FNDC3B: variants seen among roughly 807,000 people sequenced by gnomAD.
FNDC3B encodes the protein fibronectin type III domain-containing protein 3B.
Under a neutral mutation model 151.5 loss-of-function variants are expected in FNDC3B, and 12 were observed. The ratio of observed to expected loss-of-function variants is 0.08; its 90% CI spans 0.05 to 0.13. The LOEUF is 0.13. Ranked by LOEUF, FNDC3B falls within the 10% of genes least tolerant of loss-of-function variation. The pLI, the probability that FNDC3B is intolerant of heterozygous loss-of-function variation, is 1.00. For missense variants in FNDC3B, 1,214 were observed against 1,505.3 expected, an observed-to-expected ratio of 0.81 and a Z score of 3.20; for synonymous variants, 528 against 549.0, an observed-to-expected ratio of 0.96 and a Z score of 0.54.
At chr3:172,071,966 T>A (rs910869529) in intron 1 of FNDC3B, among the ~76,000 whole-genome samples, 6 of 151,796 alleles carry the variant, frequency 4.0e-5, no homozygotes, top group Admixed American at 1.3e-4. Context: ...GGGTCAGAAT[T>A]GTAACAGTTG....
intron 3 of FNDC3B, chr3:172,186,964 A>T (rs931465696): frequency 1.7e-4 from 84 of 484,734 alleles, no homozygotes; most frequent in African/African-American, 1.6e-3. Flanking sequence ...AAAGCAAGGA[A>T]CTATATTATT....
At chr3:172,334,849 A>G in intron 14 of FNDC3B, 95 bp from the exon 15 acceptor site, 1 of 1,120,362 alleles carries the variant, frequency 8.9e-7, no homozygotes, top group South Asian at 1.5e-5. Flanking sequence ...GTCTGAGTTT[A>G]TGGGTGCCTT....
intron 11 of FNDC3B, among the ~76,000 whole-genome samples, chr3:172,317,917 TA>T (rs1731890438): frequency 1.3e-5 from 2 of 152,194 alleles, no homozygotes; most frequent in African/African-American, 4.8e-5. Context: ...GGGCACAGAA[TA>T]ACCAGAAAAA....
intron 3 of FNDC3B, among the ~76,000 whole-genome samples, chr3:172,168,371 T>C (rs1723111916): frequency 6.6e-6 from 1 of 152,190 alleles, no homozygotes; most frequent in Non-Finnish European, 1.5e-5. Flanking sequence ...TATTTTGAAG[T>C]TGTGGGAACC....
At chr3:172,330,510 T>C (rs1732590148) in intron 12 of FNDC3B, 31 bp from the exon 13 acceptor site, 3 of 1,589,278 alleles carry the variant, frequency 1.9e-6, no homozygotes, top group Non-Finnish European at 2.6e-6. Flanking sequence ...CACATGCTTC[T>C]AACTGTGTGC....
intron 3 of FNDC3B, among the ~76,000 whole-genome samples, chr3:172,146,586 C>T (rs1372857754): frequency 6.6e-6 from 1 of 152,112 alleles, no homozygotes; most frequent in Non-Finnish European, 1.5e-5. Context: ...TAACGTAACC[C>T]TCAGGACAGC....
chr3:172,165,817 G>A (rs939310168), intron 3 of FNDC3B, among the ~76,000 whole-genome samples: 1 of 152,116 alleles, frequency 6.6e-6, no homozygotes, highest in Non-Finnish European at 1.5e-5. Context: ...TACATGACAC[G>A]AATGTTCACT....
chr3:172,306,829 A>G (rs1378062067), intron 9 of FNDC3B: 2 of 152,790 alleles, frequency 1.3e-5, no homozygotes, highest in African/African-American at 4.8e-5. Flanking sequence ...AATTAGAGAA[A>G]GTCACACTTG....
chr3:172,241,963 C>G (rs527816711), intron 4 of FNDC3B, among the ~76,000 whole-genome samples: 33 of 152,326 alleles, frequency 2.2e-4, no homozygotes, highest in Non-Finnish European at 4.4e-4. Flanking sequence ...TTTCTAGATA[C>G]AATGAGGGTA....
chr3:172,080,119 A>G (rs1002828826), intron 1 of FNDC3B, among the ~76,000 whole-genome samples: 1 of 152,230 alleles, frequency 6.6e-6, no homozygotes, highest in Non-Finnish European at 1.5e-5. Context: ...AAAAAGGGGT[A>G]CTACCCAGTT....
At chr3:172,300,721 G>A (rs1212612667) in intron 9 of FNDC3B, among the ~76,000 whole-genome samples, 1 of 152,094 alleles carries the variant, frequency 6.6e-6, no homozygotes, top group African/African-American at 2.4e-5. Flanking sequence ...ACAACCTAGG[G>A]TGCCACCAAC....
At position 172,326,433 on chromosome 3, in the gene FNDC3B, T is replaced by C. The variant is rs543397922; in HGVS notation, c.1255-2519T>C. Among the ~76,000 whole-genome samples, 27 of 152,342 alleles carry C rather than the reference T, an allele frequency of 1.8e-4. No homozygotes were observed. In the Middle Eastern group the frequency reaches 0.014, roughly 77 times the overall value. ...CCTGGAAGTTGTTATGATAGAAAAT[T>C]CGGCATGCTTTGTCTATATGGGTTG... On this transcript the variant is annotated intron_variant, in intron 11 of 25. Transcript: ENST00000415807.
intron 3 of FNDC3B, among the ~76,000 whole-genome samples, chr3:172,177,332 T>C (rs1317086260): frequency 6.6e-6 from 1 of 152,216 alleles, no homozygotes; most frequent in Non-Finnish European, 1.5e-5. Context: ...AACAGACTCC[T>C]TGGGCACTTC....
intron 1 of FNDC3B, among the ~76,000 whole-genome samples, chr3:172,090,665 A>T (rs1718776937): frequency 6.6e-6 from 1 of 152,090 alleles, no homozygotes; most frequent in Non-Finnish European, 1.5e-5. Context: ...ATTATTCTTT[A>T]CCTTGTGTGA....
Position 172,352,748 on chromosome 3 carries a change from A to G in FNDC3B, c.2515-55A>G. ...ATTTAATGGCAGCTAACTCAGAGGC[A>G]TCAAAATGTGCTAATGGTGTAATAT... On this transcript the variant is annotated intron_variant, in intron 21 of 25. Coordinates refer to ENST00000415807, the MANE Select transcript of FNDC3B (RefSeq NM_022763.4). This position sits in a 1 kb window ranked among gnomAD's most constrained non-coding sequence, Gnocchi z 4.2. The G allele has an allele frequency of 6.4e-7, 1 of 1,555,954 alleles. No homozygotes were observed. The highest frequency in any genetic ancestry group is 1.8e-5 in the Admixed American group (1 of 54,390).
At chr3:172,102,274 G>A in intron 1 of FNDC3B, among the ~76,000 whole-genome samples, 1 of 152,162 alleles carries the variant, frequency 6.6e-6, no homozygotes, top group East Asian at 1.9e-4. Flanking sequence ...TTGATGCTAG[G>A]TAAGAATTAG....
Position 172,238,481 on chromosome 3 carries a change from G to A in FNDC3B, c.265-9052G>A, listed in dbSNP as rs1727283754. Among the ~76,000 whole-genome samples the A allele has an allele frequency of 3.3e-5, 5 of 152,132 alleles. No individual in the cohort carries two copies. In the South Asian group the frequency reaches 1.0e-3, roughly 32 times the overall value. On this transcript the variant is annotated intron_variant, in intron 4 of 25. Coordinates refer to ENST00000415807, the MANE Select transcript of FNDC3B (RefSeq NM_022763.4). ...TCTACTGACATTTTTAAGTCAAGTA[G>A]CTTAATCTATAAAATAAAATGTTTG...
chr3:172,098,092 A>G (rs1001416810), intron 1 of FNDC3B, among the ~76,000 whole-genome samples: 19 of 151,974 alleles, frequency 1.3e-4, no homozygotes, highest in Non-Finnish European at 2.4e-4. Flanking sequence ...AACTTATTTA[A>G]TGGCCGTAAG....
At chr3:172,124,525 G>T (rs1468065184) in intron 2 of FNDC3B, among the ~76,000 whole-genome samples, 2 of 152,212 alleles carry the variant, frequency 1.3e-5, no homozygotes, top group East Asian at 3.8e-4. Flanking sequence ...GGAAATGTAG[G>T]ACAAAAGATG....
Sources: gnomAD v4.1 joint callset for allele counts (sites outside exome capture counted in the v4.1 genomes callset) on GRCh38, gnomAD v4.1.1 for gene constraint, Gnocchi (gnomAD v3.1) non-coding constraint, MANE v1.5 for transcripts, NCBI Gene and HGNC (gene_info 2026-07-23, HGNC 2026-07-21) for gene names.